Variants in PLD5 observed in about 807,000 individuals in gnomAD.
The protein encoded by PLD5 is phospholipase D family member 5.
Under a neutral mutation model 61.1 loss-of-function variants are expected in PLD5, and 36 were observed. That is an observed-to-expected ratio of 0.59 (90% CI 0.45 to 0.78). The LOEUF is 0.78. Among genes scored for constraint, PLD5 ranks in the 30% least tolerant of loss-of-function variants. The pLI is 0.00. For missense variants in PLD5, 515 were observed against 644.4 expected, an observed-to-expected ratio of 0.80 and a Z score of 2.17; for synonymous variants, 243 against 242.8, an observed-to-expected ratio of 1.00 and a Z score of -0.01.
intron 1 of PLD5, among the ~76,000 whole-genome samples, chr1:242,435,965 G>A (rs975568584): frequency 1.3e-5 from 2 of 152,136 alleles, no homozygotes; most frequent in African/African-American, 4.8e-5. Context: ...CCATTCACAA[G>A]TGCAATGACC....
rs186396566 is a variant in PLD5, at chr1:242,211,684, A to G, written c.735+8304T>C. Reference sequence around the variant, plus strand: ...CAGACCCCCACAAGTGGCGCCCTGCATGAGGAACGCTACAAAAGGATCACG... The same window carrying G: ...CAGACCCCCACAAGTGGCGCCCTGCGTGAGGAACGCTACAAAAGGATCACG... On this transcript the variant is annotated intron_variant, in intron 5 of 9. Transcript: ENST00000536534. Among the ~76,000 whole-genome samples the G allele has an allele frequency of 3.9e-5, 6 of 152,270 alleles. No individual in the cohort carries two copies. The East Asian group carries it at 1.2e-3, about 29-fold the overall frequency.
chr1:242,172,028 G>C (rs113536025), intron 5 of PLD5, among the ~76,000 whole-genome samples: 1 of 150,782 alleles, frequency 6.6e-6, no homozygotes, highest in East Asian at 2.0e-4. Context: ...AACTCCAAGC[G>C]GACCTAATAG....
intron 1 of PLD5, among the ~76,000 whole-genome samples, chr1:242,389,339 G>A (rs1427073327): frequency 6.6e-6 from 1 of 151,874 alleles, no homozygotes; most frequent in South Asian, 2.1e-4. Flanking sequence ...AATTTAATAC[G>A]CATCTTAGAA....
intron 1 of PLD5, among the ~76,000 whole-genome samples, chr1:242,407,572 T>G (rs1189010837): frequency 8.6e-5 from 13 of 151,096 alleles, no homozygotes; most frequent in East Asian, 3.9e-4. Context: ...TTTTTTTTTT[T>G]TTTTTTTGAG....
chr1:242,450,705 C>T (rs541285362), intron 1 of PLD5, among the ~76,000 whole-genome samples: 26 of 152,174 alleles, frequency 1.7e-4, no homozygotes, highest in South Asian at 6.2e-4. Context: ...TTATCAGGCT[C>T]GATGGCATCA....
At chr1:242,238,303 C>T (rs1023522819) in intron 4 of PLD5, among the ~76,000 whole-genome samples, 4 of 152,140 alleles carry the variant, frequency 2.6e-5, no homozygotes, top group Admixed American at 6.6e-5. Context: ...TTTAGGGTTT[C>T]GGGATCTGTG....
At chr1:242,112,436 C>T (rs930817042) in intron 7 of PLD5, among the ~76,000 whole-genome samples, 8 of 151,832 alleles carry the variant, frequency 5.3e-5, no homozygotes, top group East Asian at 1.9e-4. Flanking sequence ...TGGGCTCAGG[C>T]GATTCTCCTG....
In PLD5 at chr1:242,391,688, A is replaced by G. The variant is rs149905641; in HGVS notation, c.190-43446T>C. Among the ~76,000 whole-genome samples, 289 of 152,344 alleles carry G rather than the reference A, an allele frequency of 1.9e-3. 2 individuals are homozygous for G. Among genetic ancestry groups the G allele is most frequent in the African/African-American group, 1.3e-3 (54 of 41,572 alleles). The stretch of plus-strand genomic sequence containing the variant: ...ATAGAATATCCACCTTATGGAAAGG[A>G]AAGTTTAATGCAAAGAAAGCAAATA... On this transcript the variant is annotated intron_variant, in intron 1 of 9. Transcript: ENST00000536534.
Position 242,524,565 on chromosome 1 carries a change from G to A in PLD5, c.-289C>T, listed in dbSNP as rs867614059. The A allele has an allele frequency of 4.3e-6, 1 of 232,814 alleles. No individual in the cohort carries two copies. Among genetic ancestry groups the A allele is most frequent in the Non-Finnish European group, 8.2e-6 (1 of 121,698 alleles). 14.4% of individuals were successfully genotyped at this position (232,814 alleles called of 1,614,324 possible). ...GCGGAGGGGGACGGACGGGGAGAAG[G>A]GGGACGAGAGGGGACAGGGAGGGAA... On this transcript the variant is annotated 5_prime_UTR_variant, in exon 1 of 10. Transcript: ENST00000536534.
intron 3 of PLD5, among the ~76,000 whole-genome samples, chr1:242,279,122 G>A (rs1407970807): frequency 1.3e-5 from 2 of 152,216 alleles, no homozygotes; most frequent in Non-Finnish European, 2.9e-5. Context: ...AGAGTCCAGG[G>A]CTATGTGGAA....
At chr1:242,527,670 C>T (rs1429307080), upstream of PLD5, among the ~76,000 whole-genome samples, 1 of 152,172 alleles carries the variant, frequency 6.6e-6, no homozygotes, top group Non-Finnish European at 1.5e-5. Flanking sequence ...ATCTTGGATT[C>T]TTGTCCAAGT....
chr1:242,197,121 C>A (rs1270952249), intron 5 of PLD5, among the ~76,000 whole-genome samples: 1 of 152,064 alleles, frequency 6.6e-6, no homozygotes, highest in Non-Finnish European at 1.5e-5. Context: ...CAACGAGGAA[C>A]CCAGGCCGAG....
At chr1:242,417,481 T>C (rs1403806771) in intron 1 of PLD5, among the ~76,000 whole-genome samples, 1 of 152,190 alleles carries the variant, frequency 6.6e-6, no homozygotes, top group Non-Finnish European at 1.5e-5. Flanking sequence ...AGTTTGCATG[T>C]AATTAAAAGT....
intron 3 of PLD5, among the ~76,000 whole-genome samples, chr1:242,285,545 G>A (rs960252641): frequency 4.0e-5 from 6 of 151,812 alleles, no homozygotes; most frequent in African/African-American, 1.2e-4. Context: ...ATTGGGTCAT[G>A]GTGGAGGCTA....
chr1:242,395,264 G>C (rs565118382), intron 1 of PLD5, among the ~76,000 whole-genome samples: 2 of 151,898 alleles, frequency 1.3e-5, no homozygotes, highest in Admixed American at 6.6e-5. Flanking sequence ...TGTGCAACTT[G>C]ACACTTAGGT....
intron 2 of PLD5, chr1:242,345,453 A>G (rs1446966865): frequency 3.5e-6 from 2 of 568,914 alleles, no homozygotes; most frequent in Non-Finnish European, 6.4e-6. Flanking sequence ...AAAAAATGGC[A>G]AGGCTAGAGT....
At chr1:242,440,952 A>T (rs1666247244) in intron 1 of PLD5, among the ~76,000 whole-genome samples, 1 of 152,224 alleles carries the variant, frequency 6.6e-6, no homozygotes, top group South Asian at 2.1e-4. Flanking sequence ...ATGTACAAAG[A>T]TGCCCATTCA....
chr1:242,116,145 C>T (rs12140732), intron 6 of PLD5, among the ~76,000 whole-genome samples: 23,862 of 152,054 alleles, frequency 0.16, 2,140 homozygotes, highest in Non-Finnish European at 0.2. Context: ...TTGGAACTGC[C>T]TGGAATGAAT....
chr1:242,384,948 G>A (rs764106431), intron 1 of PLD5, among the ~76,000 whole-genome samples: 34 of 152,274 alleles, frequency 2.2e-4, no homozygotes, highest in Non-Finnish European at 4.0e-4. Context: ...TAGGACACAT[G>A]GCGAATTCTG....
Sources: gnomAD v4.1 joint callset for allele counts (sites outside exome capture counted in the v4.1 genomes callset) on GRCh38, gnomAD v4.1.1 for gene constraint, MANE v1.5 for transcripts, NCBI Gene and HGNC (gene_info 2026-07-23, HGNC 2026-07-21) for gene names.